ATP8B2: variants seen among roughly 807,000 people sequenced by gnomAD.
ATP8B2 encodes the protein phospholipid-transporting ATPase ID.
Under a neutral mutation model 133.4 loss-of-function variants are expected in ATP8B2, and 70 were observed. That is an observed-to-expected ratio of 0.52 (90% confidence interval 0.43 to 0.64). The LOEUF (loss-of-function observed/expected upper bound fraction) is 0.64, where lower values mean the gene tolerates loss of function less well. Ranked by LOEUF, ATP8B2 falls within the 30% of genes least tolerant of loss-of-function variation. The pLI is 0.00. For missense variants in ATP8B2, 1,101 were observed against 1,535.7 expected (o/e 0.72, Z 4.73); for synonymous variants, 517 against 589.5 (o/e 0.88, Z 1.78).
Position 154,328,842 on chromosome 1 carries a change from G to A in ATP8B2, c.31+670G>A. 1 of 1,117,706 alleles carries A rather than the reference G, an allele frequency of 8.9e-7. No individual in the cohort carries two copies. The highest frequency in any genetic ancestry group is 1.1e-6 in the Non-Finnish European group (1 of 904,074). The allele number at this position is 1,117,706 out of a possible 1,614,324, so 69.2% of individuals were successfully genotyped here. A position where few individuals can be genotyped will look rare whatever the true frequency, so the allele number is the denominator to read the frequency against. ...GCGCCGGCGGCCGGGAGGATGGCCT[G>A]GGCTGCGGGTGGGGCGCGCGCCCGA... On this transcript the variant is annotated intron_variant, in intron 2 of 27. Coordinates refer to ENST00000368489, the MANE Select transcript of ATP8B2 (RefSeq NM_001370597.1). The surrounding 1 kb of genome is among the most constrained non-coding windows in gnomAD (Gnocchi z 4.6).
At chr1:154,347,893 A>G (rs1686638728) in intron 26 of ATP8B2, among the ~76,000 whole-genome samples, 1 of 150,388 alleles carries the variant, frequency 6.6e-6, no homozygotes, top group African/African-American at 2.4e-5. Flanking sequence ...GTGAGCCGAG[A>G]TCGCGCCATT....
At chr1:154,341,921 T>C (rs571309630) in intron 13 of ATP8B2, 10 of 156,102 alleles carry the variant, frequency 6.4e-5, no homozygotes, top group Admixed American at 6.3e-4. Context: ...CCTCTGGGCA[T>C]CCTGGCCAGG....
chr1:154,332,649 C>G lies in ATP8B2; in HGVS notation c.541C>G (p.Pro181Ala). The change falls in exon 9 of 28, where the codon CCA becomes GCA. Residue 181 changes from proline (P) to alanine (A), a missense_variant. Physicochemically the swap from Pro to Ala is conservative, Grantham distance 27. Coordinates refer to ENST00000368489, the MANE Select transcript of ATP8B2 (RefSeq NM_001370597.1). Reference sequence around the variant, plus strand: ...CAACATGAAAGTACGTCAGGCGATTCCAGTCACCTCAGAATTGGGAGACAT... The same window carrying G: ...CAACATGAAAGTACGTCAGGCGATTGCAGTCACCTCAGAATTGGGAGACAT... ...ETNMKVRQAI[P>A]VTSELGDISK... 6.3e-7 allele frequency: 1 copy of G among 1,589,354 alleles called. No individual in the cohort carries two copies.
In ATP8B2 at chr1:154,332,718, A is replaced by G. The variant is rs759045478; in HGVS notation, c.589+21A>G. On this transcript the variant is annotated intron_variant, in intron 9 of 27. Coordinates refer to ENST00000368489, the MANE Select transcript of ATP8B2 (RefSeq NM_001370597.1). Reference sequence around the variant, plus strand: ...TGACGGTGAGTAATTTTGGAGGAGCAGCCTGAAGGTAGAGGAGTGGGGTTG... The same window carrying G: ...TGACGGTGAGTAATTTTGGAGGAGCGGCCTGAAGGTAGAGGAGTGGGGTTG... 31 of 1,536,880 alleles carry G rather than the reference A, an allele frequency of 2.0e-5. 1 individual carries two copies. The South Asian group carries it at 3.6e-4, about 18-fold the overall frequency.
chr1:154,337,717 C>A, intron 12 of ATP8B2, 173 bp downstream of exon 12: 13 of 1,547,018 alleles, frequency 8.4e-6, no homozygotes, highest in Non-Finnish European at 1.1e-5. Flanking sequence ...CTTTTTACCA[C>A]AGTTTCCTGG....
chr1:154,343,345 C>A lies in ATP8B2; in HGVS notation c.1642+44C>A. 1 of 1,609,224 alleles carries A rather than the reference C, an allele frequency of 6.2e-7. No homozygotes were observed. On this transcript the variant is annotated intron_variant, in intron 16 of 27. Coordinates refer to ENST00000368489, the MANE Select transcript of ATP8B2 (RefSeq NM_001370597.1). The surrounding 1 kb of genome is among the most constrained non-coding windows in gnomAD (Gnocchi z 5.8). The stretch of plus-strand genomic sequence containing the variant: ...TGCTGGGGCGTTTGGGGACAGCATT[C>A]AGGCCTGGAATGGGTGAAGTGTGCC...
At chr1:154,337,777 A>G in intron 12 of ATP8B2, 28 of 1,441,058 alleles carry the variant, frequency 1.9e-5, no homozygotes, top group Non-Finnish European at 2.6e-5. Context: ...TTCAGCACCT[A>G]TTTATTACAT....
At chr1:154,347,684 T>C (rs1558276396) in intron 26 of ATP8B2, among the ~76,000 whole-genome samples, 1 of 152,114 alleles carries the variant, frequency 6.6e-6, no homozygotes, top group African/African-American at 2.4e-5. Flanking sequence ...CTCAAGCCTA[T>C]AATCCCAGTA....
rs1686544448 is a variant in ATP8B2, at chr1:154,345,270, AGT to A, written c.2471-46_2471-45del. 1 of 1,609,650 alleles carries A rather than the reference AGT, an allele frequency of 6.2e-7. No individual in the cohort carries two copies. Among genetic ancestry groups the A allele is most frequent in the South Asian group, 1.1e-5 (1 of 90,910 alleles). On this transcript the variant is annotated intron_variant, in intron 22 of 27. Transcript: ENST00000368489. The surrounding 1 kb of genome is among the most constrained non-coding windows in gnomAD (Gnocchi z 5.6). ...GGGGTTGTAACTTGGTAGGCTCTAA[AGT>A]GTGTGGCCGGTGGCCATCTTCACCC...
Position 154,331,105 on chromosome 1 carries a change from G to T in ATP8B2, c.262G>T (p.Val88Phe), listed in dbSNP as rs747680576. The T allele has an allele frequency of 1.2e-6, 2 of 1,614,042 alleles. No homozygotes were observed. The highest frequency in any genetic ancestry group is 1.7e-6 in the Non-Finnish European group (2 of 1,180,006). Reference sequence around the variant, plus strand: ...CACCACCATTGTGCCTTTGGTTCTTGTCCTCACCATCACAGCTGTTAAAGA... The same window carrying T: ...CACCACCATTGTGCCTTTGGTTCTTTTCCTCACCATCACAGCTGTTAAAGA... ...WFTTIVPLVL[V>F]LTITAVKDAT... Residue 88 changes from valine to phenylalanine, a missense_variant, in exon 5 of 28, where the codon GTC (valine) becomes TTC (phenylalanine). By Grantham distance (50) the Val-to-Phe change is conservative (BLOSUM62 -1). Coordinates refer to ENST00000368489, the MANE Select transcript of ATP8B2 (RefSeq NM_001370597.1). This position sits in a 1 kb window ranked among gnomAD's most constrained non-coding sequence, Gnocchi z 4.8.
rs748100091 is a variant in ATP8B2 at position 154,344,591 on chromosome 1, C to A, written c.2142-50C>A. Reference sequence around the variant, plus strand: ...GACCATTTAGACTTGAATCCCTGCTCCCCACTGCCGTTCTGGAAGACCACA... The same window carrying A: ...GACCATTTAGACTTGAATCCCTGCTACCCACTGCCGTTCTGGAAGACCACA... On this transcript the variant is annotated intron_variant, in intron 20 of 27. Coordinates refer to ENST00000368489, the MANE Select transcript of ATP8B2 (RefSeq NM_001370597.1). The surrounding 1 kb of genome is among the most constrained non-coding windows in gnomAD (Gnocchi z 4.1). The A allele has an allele frequency of 1.9e-6, 3 of 1,608,178 alleles. No homozygotes were observed. The highest frequency in any genetic ancestry group is 2.6e-6 in the Non-Finnish European group (3 of 1,175,190).
Position 154,345,885 on chromosome 1 carries a change from T to C in ATP8B2, c.2778+2T>C. On this transcript the variant is annotated splice_donor_variant, in intron 24 of 27. Transcript: ENST00000368489. LOFTEE classifies it high-confidence loss of function. The surrounding 1 kb of genome is among the most constrained non-coding windows in gnomAD (Gnocchi z 5.6). ...CTGGCTATGGGGGTCTTTGATCAGG[T>C]ATGGGGGAGTTTGATGATCAGATGG... is the stretch of plus-strand genomic sequence containing the variant. 6.2e-7 allele frequency: 1 copy of C among 1,604,648 alleles called. No individual in the cohort carries two copies. The highest frequency in any genetic ancestry group is 8.5e-7 in the Non-Finnish European group (1 of 1,171,524).
rs1048820559 is a variant in ATP8B2, at chr1:154,346,120, A to G, written c.2779-111A>G. 3 of 1,491,000 alleles carry G rather than the reference A, an allele frequency of 2.0e-6. No homozygotes were observed. The highest frequency in any genetic ancestry group is 2.8e-5 in the African/African-American group (2 of 71,664). The allele number at this position is 1,491,000 out of a possible 1,614,324, so 92.4% of individuals were successfully genotyped here. ...TGGCTTGAGGTTGGTTCTAGCTGCC[A>G]AAGACTTTGGAAAGGAGGAGGCAGG... is the stretch of plus-strand genomic sequence containing the variant. On this transcript the variant is annotated intron_variant, in intron 24 of 27. Transcript: ENST00000368489. The surrounding 1 kb of genome is among the most constrained non-coding windows in gnomAD (Gnocchi z 4.5).
chr1:154,330,632 T>C, intron 3 of ATP8B2, 178 bp downstream of exon 3: 1 of 755,126 alleles, frequency 1.3e-6, no homozygotes, highest in Non-Finnish European at 2.2e-6. Context: ...CACCTGTCAG[T>C]GAAGCAGAAT....
At chr1:154,326,393 T>G (rs906806306) in intron 1 of ATP8B2, among the ~76,000 whole-genome samples, 1 of 152,106 alleles carries the variant, frequency 6.6e-6, no homozygotes, top group Non-Finnish European at 1.5e-5. Flanking sequence ...TTTTCCTCCA[T>G]GGAGCATTGC....
At chr1:154,337,877 T>A in intron 12 of ATP8B2, 1 of 812,924 alleles carries the variant, frequency 1.2e-6, no homozygotes, top group Non-Finnish European at 1.8e-6. Flanking sequence ...AGCTTACGTC[T>A]AGTAAAGGAA....
rs766554991 is a variant in ATP8B2 at position 154,330,501 on chromosome 1, G to A, written c.90+47G>A. The A allele has an allele frequency of 2.5e-5, 40 of 1,593,588 alleles. No homozygotes were observed. The South Asian group carries it at 3.5e-4, about 14-fold the overall frequency. ...GTTCCCTCTCTCTGTTTGGAGAGGG[G>A]AATGGGGCAAGGACAACCTACCGTT... is the stretch of plus-strand genomic sequence containing the variant. On this transcript the variant is annotated intron_variant, in intron 3 of 27. Coordinates refer to ENST00000368489, the MANE Select transcript of ATP8B2 (RefSeq NM_001370597.1).
Position 154,334,124 on chromosome 1 carries a change from C to T in ATP8B2, c.607C>T (p.Pro203Ser). Residue 203 changes from proline to serine, a missense_variant, in exon 10 of 28, where the codon CCT becomes TCT. Pro to Ser is a moderately conservative substitution (Grantham distance 74). Transcript: ENST00000368489. This position sits in a 1 kb window ranked among gnomAD's most constrained non-coding sequence, Gnocchi z 4.6. ...AKFDGEVICE[P>S]PNNKLDKFSG... ...CTGTTCAGGTGAAGTGATCTGTGAA[C>T]CTCCCAACAACAAACTGGACAAATT... The T allele has an allele frequency of 6.2e-7, 1 of 1,614,130 alleles. No individual in the cohort carries two copies. The highest frequency in any genetic ancestry group is 8.5e-7 in the Non-Finnish European group (1 of 1,180,016).
At chr1:154,326,432 C>A (rs1035332025) in intron 1 of ATP8B2, among the ~76,000 whole-genome samples, 2 of 152,112 alleles carry the variant, frequency 1.3e-5, no homozygotes, top group Non-Finnish European at 2.9e-5. Flanking sequence ...TATTTTTATC[C>A]CAAATGTGGC....
Sources: allele counts gnomAD v4.1 joint callset (sites outside exome capture counted in the v4.1 genomes callset), GRCh38; gene constraint gnomAD v4.1.1; non-coding constraint Gnocchi (gnomAD v3.1); transcripts MANE v1.5; gene names NCBI Gene and HGNC (gene_info 2026-07-23, HGNC 2026-07-21).